TBC1D22A: variants seen among roughly 807,000 people sequenced by gnomAD.
TBC1D22A encodes TBC1 domain family member 22A, also known as putative GTPase activator.
A neutral mutation model predicts 60.2 loss-of-function variants in TBC1D22A; 38 were observed. That is an observed-to-expected ratio of 0.63 (90% CI 0.49 to 0.83). The LOEUF is 0.83. Among genes scored for constraint, TBC1D22A ranks in the 40% least tolerant of loss-of-function variants. The pLI is 0.00. For synonymous variants in TBC1D22A, 302 were observed against 281.7 expected (o/e 1.07, Z -0.72); for missense variants, 628 against 701.0 (o/e 0.90, Z 1.18).
chr22:46,988,460 C>T lies in TBC1D22A; in HGVS notation c.1126-9174C>T, dbSNP rs1424900324. Among the ~76,000 whole-genome samples, 3 of 152,294 alleles carry T rather than the reference C, an allele frequency of 2.0e-5. No homozygotes were observed. In the East Asian group the frequency reaches 5.8e-4, roughly 29 times the overall value. The stretch of plus-strand genomic sequence containing the variant: ...ATCAAGTATATTTCTCAAATAATGA[C>T]TTGAAAGTTGAAATAACTCCTTGAT... On this transcript the variant is annotated intron_variant, in intron 9 of 12. Transcript: ENST00000337137.
intron 8 of TBC1D22A, among the ~76,000 whole-genome samples, chr22:46,958,529 C>T (rs1398805079): frequency 1.3e-5 from 2 of 152,232 alleles, no homozygotes; most frequent in Admixed American, 1.3e-4. Flanking sequence ...GCCAGTTCCA[C>T]CTGTTCAATG....
chr22:47,037,129 C>G lies in TBC1D22A; in HGVS notation c.1260C>G (p.Arg420=), dbSNP rs1366179077. ...TGAGATACCTGCAGTTTGCCTTCCG[C>G]TGGATGAACAACCTGCTGATGAGGG... ...HEVRYLQFAF[R]WMNNLLMREV... is the part of the protein sequence containing the mutation. Residue 420 remains arginine, a synonymous_variant, in exon 11 of 13, where the codon CGC becomes CGG. Transcript: ENST00000337137. The G allele has an allele frequency of 6.2e-7, 1 of 1,614,042 alleles. No homozygotes were observed. The highest frequency in any genetic ancestry group is 8.5e-7 in the Non-Finnish European group (1 of 1,179,942).
At chr22:47,076,498 G>T (rs2064234518) in intron 11 of TBC1D22A, among the ~76,000 whole-genome samples, 2 of 151,236 alleles carry the variant, frequency 1.3e-5, no homozygotes, top group South Asian at 2.1e-4. Context: ...CCTGCATTTG[G>T]ACATTTTAAA....
intron 11 of TBC1D22A, among the ~76,000 whole-genome samples, chr22:47,109,901 A>T (rs1364720642): frequency 2.0e-5 from 3 of 151,852 alleles, no homozygotes; most frequent in Non-Finnish European, 4.4e-5. Context: ...TGGTCCCCTA[A>T]CCTGCCTCCT....
chr22:47,082,147 G>A (rs1474090777), intron 11 of TBC1D22A, among the ~76,000 whole-genome samples: 1 of 152,068 alleles, frequency 6.6e-6, no homozygotes. Flanking sequence ...GACAGAGCAA[G>A]GCTCCATCTC....
At chr22:47,089,872 G>T (rs918044270) in intron 11 of TBC1D22A, among the ~76,000 whole-genome samples, 1 of 152,114 alleles carries the variant, frequency 6.6e-6, no homozygotes, top group Non-Finnish European at 1.5e-5. Context: ...ACTTACAAGG[G>T]GACAGGTTGA....
At chr22:46,871,045 C>G (rs1411760122) in intron 4 of TBC1D22A, among the ~76,000 whole-genome samples, 1 of 152,134 alleles carries the variant, frequency 6.6e-6, no homozygotes, top group East Asian at 1.9e-4. Context: ...GTCATGCAAG[C>G]TCTAATCACA....
chr22:46,969,066 C>T (rs544964033), intron 8 of TBC1D22A, among the ~76,000 whole-genome samples: 2 of 152,194 alleles, frequency 1.3e-5, no homozygotes, highest in Admixed American at 6.5e-5. Context: ...ACCCCCCACC[C>T]TAATCATTCT....
intron 8 of TBC1D22A, among the ~76,000 whole-genome samples, chr22:46,965,843 C>T (rs1486074293): frequency 6.6e-6 from 1 of 152,214 alleles, no homozygotes; most frequent in African/African-American, 2.4e-5. Flanking sequence ...CCACATCTTC[C>T]TCCTGTGCCT....
chr22:46,888,015 C>T (rs564390264), intron 5 of TBC1D22A, among the ~76,000 whole-genome samples: 7 of 152,310 alleles, frequency 4.6e-5, no homozygotes, highest in East Asian at 3.9e-4. Context: ...CTCTGAGTCC[C>T]GCTCTCTTTC....
chr22:47,042,560 T>C (rs1193872963), intron 11 of TBC1D22A, among the ~76,000 whole-genome samples: 2 of 152,268 alleles, frequency 1.3e-5, no homozygotes, highest in African/African-American at 4.8e-5. Flanking sequence ...CCTGTGGGTC[T>C]GGCAGTCTGG....
At chr22:46,802,611 C>G (rs1378464981) in intron 4 of TBC1D22A, among the ~76,000 whole-genome samples, 1 of 152,210 alleles carries the variant, frequency 6.6e-6, no homozygotes, top group African/African-American at 2.4e-5. Flanking sequence ...TCTGCTTTTA[C>G]TTCGAGCACA....
chr22:47,000,961 A>T (rs147034811), intron 10 of TBC1D22A, among the ~76,000 whole-genome samples: 1 of 152,302 alleles, frequency 6.6e-6, no homozygotes, highest in East Asian at 1.9e-4. Context: ...TAAAGCCACC[A>T]GTGTTCTGGG....
rs2068630883 is a variant in TBC1D22A at position 47,174,934 on chromosome 22, T to A, written c.*1308T>A. 1 of 152,152 alleles carries A rather than the reference T, an allele frequency of 6.6e-6. No homozygotes were observed. Among genetic ancestry groups the A allele is most frequent in the South Asian group, 2.1e-4 (1 of 4,816 alleles). The allele number at this position is 152,152 out of a possible 1,614,324, so 9.4% of individuals were successfully genotyped here. ...GGTGTGTCACAGGCTGCATGACCCC[T>A]GGAATGCGGGCAGGGCCACAGCCAC... On this transcript the variant is annotated 3_prime_UTR_variant, in exon 13 of 13. Coordinates refer to ENST00000337137, the MANE Select transcript of TBC1D22A (RefSeq NM_014346.5).
At chr22:46,846,805 AT>A (rs1190760716) in intron 4 of TBC1D22A, among the ~76,000 whole-genome samples, 2 of 151,822 alleles carry the variant, frequency 1.3e-5, no homozygotes, top group Non-Finnish European at 2.9e-5. Context: ...CATCTGTCCC[AT>A]TCTTTTCTTT....
chr22:46,801,289 C>G (rs1299634880), intron 4 of TBC1D22A, among the ~76,000 whole-genome samples: 1 of 152,190 alleles, frequency 6.6e-6, no homozygotes, highest in East Asian at 1.9e-4. Flanking sequence ...CTTTGGAAGA[C>G]AGTGGAATGT....
intron 10 of TBC1D22A, among the ~76,000 whole-genome samples, chr22:47,013,480 C>T (rs925565292): frequency 2.0e-5 from 3 of 152,146 alleles, no homozygotes; most frequent in Non-Finnish European, 4.4e-5. Flanking sequence ...GAATATAGGC[C>T]GTCAGACTGG....
chr22:47,164,611 T>C (rs1461401084), intron 12 of TBC1D22A, among the ~76,000 whole-genome samples: 2 of 152,146 alleles, frequency 1.3e-5, no homozygotes. Flanking sequence ...TGAATGTCAG[T>C]GTCGAGTCAG....
chr22:46,945,329 A>C (rs2072465709), intron 8 of TBC1D22A, among the ~76,000 whole-genome samples: 1 of 152,216 alleles, frequency 6.6e-6, no homozygotes, highest in Non-Finnish European at 1.5e-5. Context: ...AGGTGATGAA[A>C]ATTAGAAGGC....
Sources: allele counts gnomAD v4.1 joint callset (sites outside exome capture counted in the v4.1 genomes callset), GRCh38; gene constraint gnomAD v4.1.1; transcripts MANE v1.5; gene names NCBI Gene and HGNC (gene_info 2026-07-23, HGNC 2026-07-21).